Variants in CA6 observed in about 807,000 individuals in gnomAD.
CA6 encodes carbonate dehydratase VI.
Under a neutral mutation model 35.9 loss-of-function variants are expected in CA6, and 28 were observed. The observed-to-expected ratio is 0.78, with a 90% CI of 0.58 to 1.07. The LOEUF (loss-of-function observed/expected upper bound fraction) is 1.07, where lower values mean the gene tolerates loss of function less well. CA6 is among the 50% of genes least tolerant of loss of function. The probability of loss-of-function intolerance (pLI) is 0.00; values close to 1 mark genes in which losing one functional copy is unlikely to be tolerated. For missense variants in CA6, 377 were observed against 382.0 expected (o/e 0.99, Z 0.11); for synonymous variants, 148 against 152.6 (o/e 0.97, Z 0.22).
intron 7 of CA6, among the ~76,000 whole-genome samples, chr1:8,973,910 A>T (rs1444151629): frequency 6.6e-6 from 1 of 151,198 alleles, no homozygotes; most frequent in Admixed American, 6.6e-5. Flanking sequence ...CACTGCAGCC[A>T]TGACCTCCAG....
chr1:8,951,300 G>A, intron 2 of CA6: 1 of 593,438 alleles, frequency 1.7e-6, no homozygotes, highest in Non-Finnish European at 3.0e-6. Context: ...ATGAAGCTCT[G>A]TCTGTAAAAG....
At chr1:8,955,899 CT>C (rs1400111108) in intron 2 of CA6, among the ~76,000 whole-genome samples, 1 of 152,166 alleles carries the variant, frequency 6.6e-6, no homozygotes, top group Non-Finnish European at 1.5e-5. Flanking sequence ...AGAAAATGTT[CT>C]TGTTTACAGC....
intron 7 of CA6, among the ~76,000 whole-genome samples, chr1:8,973,482 A>G (rs1640160571): frequency 6.6e-6 from 1 of 152,206 alleles, no homozygotes; most frequent in Admixed American, 6.5e-5. Flanking sequence ...CGAGGGGGTC[A>G]GATGTTCTAG....
chr1:8,970,078 C>T (rs1223347055), intron 6 of CA6, among the ~76,000 whole-genome samples: 2 of 151,844 alleles, frequency 1.3e-5, no homozygotes, highest in Admixed American at 6.6e-5. Flanking sequence ...TGGGTGGGTG[C>T]CTGTAGTCCC....
In CA6 at chr1:8,958,891, C is replaced by T. The variant is rs1639759933; in HGVS notation, c.409-19C>T. ...ATTTCTATGAACTGCCCTTGACCCA[C>T]TCTACCTTGCTCTTACAGATTCACA... is the stretch of plus-strand genomic sequence containing the variant. On this transcript the variant is annotated intron_variant, in intron 3 of 7. Coordinates refer to ENST00000377443, the MANE Select transcript of CA6 (RefSeq NM_001215.4). 1 of 1,419,302 alleles carries T rather than the reference C, an allele frequency of 7.0e-7. No homozygotes were observed. The highest frequency in any genetic ancestry group is 9.9e-7 in the Non-Finnish European group (1 of 1,006,780). The allele number at this position is 1,419,302 out of a possible 1,614,324, so 87.9% of individuals were successfully genotyped here. A position where few individuals can be genotyped will look rare whatever the true frequency, so the allele number is the denominator to read the frequency against.
intron 7 of CA6, chr1:8,974,217 G>T: frequency 1.7e-6 from 1 of 575,332 alleles, no homozygotes; most frequent in Non-Finnish European, 3.0e-6. Context: ...CTGTATCCCA[G>T]CGGGGTTGAT....
chr1:8,948,926 C>T (rs1167376566), intron 1 of CA6, among the ~76,000 whole-genome samples: 1 of 150,860 alleles, frequency 6.6e-6, no homozygotes, highest in Non-Finnish European at 1.5e-5. Flanking sequence ...GCCAAGATTG[C>T]ACCACTGCAC....
At chr1:8,948,476 G>A (rs1639427823) in intron 1 of CA6, among the ~76,000 whole-genome samples, 1 of 151,792 alleles carries the variant, frequency 6.6e-6, no homozygotes, top group South Asian at 2.1e-4. Context: ...AGGGGCTGGA[G>A]CAAGAAAATA....
At chr1:8,948,969 CAAA>C (rs35309398) in intron 1 of CA6, among the ~76,000 whole-genome samples, 94,049 of 140,970 alleles carry the variant, frequency 0.67, 30,102 homozygotes, top group East Asian at 0.83. Flanking sequence ...GACCCTGTCT[CAAA>C]AAAAAAAAAA....
intron 4 of CA6, among the ~76,000 whole-genome samples, chr1:8,960,345 T>A (rs1409690546): frequency 6.6e-6 from 1 of 151,490 alleles, no homozygotes. Flanking sequence ...CCCAGAGTGA[T>A]TAAGCAGACA....
chr1:8,948,223 C>A (rs1380722292), intron 1 of CA6, among the ~76,000 whole-genome samples: 4 of 152,064 alleles, frequency 2.6e-5, no homozygotes, highest in Admixed American at 2.6e-4. Flanking sequence ...GTGGGATTCT[C>A]CATGTCACAT....
chr1:8,962,048 TG>T (rs1230809447), intron 4 of CA6, among the ~76,000 whole-genome samples: 1 of 152,154 alleles, frequency 6.6e-6, no homozygotes, highest in Non-Finnish European at 1.5e-5. Context: ...GAGACCCACC[TG>T]GCCAACATGG....
intron 7 of CA6, among the ~76,000 whole-genome samples, chr1:8,972,501 C>T (rs1324550404): frequency 6.6e-6 from 1 of 151,988 alleles, no homozygotes; most frequent in African/African-American, 2.4e-5. Context: ...TGAAACCCCG[C>T]CTCTACTAAA....
intron 5 of CA6, among the ~76,000 whole-genome samples, chr1:8,964,742 G>A (rs1225185978): frequency 6.6e-6 from 1 of 152,062 alleles, no homozygotes; most frequent in African/African-American, 2.4e-5. Context: ...ACCCCACCCT[G>A]AGCTGGCCCC....
intron 4 of CA6, among the ~76,000 whole-genome samples, chr1:8,959,982 A>G (rs1470342000): frequency 6.8e-6 from 1 of 147,454 alleles, no homozygotes; most frequent in Non-Finnish European, 1.5e-5. Context: ...CTGTAATCCC[A>G]GCACTTTGGG....
intron 2 of CA6, among the ~76,000 whole-genome samples, chr1:8,951,220 G>GAAAA (rs749605213): frequency 1.6e-5 from 1 of 61,310 alleles, no homozygotes; most frequent in Non-Finnish European, 3.4e-5. Flanking sequence ...CCATCTCAAA[G>GAAAA]AAAAAAAAAA....
At chr1:8,972,623 C>T (rs1640139047) in intron 7 of CA6, among the ~76,000 whole-genome samples, 1 of 152,052 alleles carries the variant, frequency 6.6e-6, no homozygotes, top group African/African-American at 2.4e-5. Flanking sequence ...GCGGAGCTTG[C>T]AGTGAGCCGA....
rs2124175296 is a variant in CA6 at position 8,963,402 on chromosome 1, C to A, written c.571+746C>A. 6.6e-6 allele frequency among the ~76,000 whole-genome samples: 1 copy of A among 152,290 alleles called. No individual in the cohort carries two copies. ...CCATGCAAACACCCTCTAGCCCTCA[C>A]CCCTCCACCCCTCCACAAACTCACC... On this transcript the variant is annotated intron_variant, in intron 5 of 7. Coordinates refer to ENST00000377443, the MANE Select transcript of CA6 (RefSeq NM_001215.4). This position sits in a 1 kb window ranked among gnomAD's most constrained non-coding sequence, Gnocchi z 4.1.
intron 4 of CA6, among the ~76,000 whole-genome samples, chr1:8,960,450 T>C (rs1639809769): frequency 6.7e-6 from 1 of 149,026 alleles, no homozygotes; most frequent in Non-Finnish European, 1.5e-5. Context: ...GGAAACTATG[T>C]TCAAAGAATT....
Sources: gnomAD v4.1 joint callset for allele counts (sites outside exome capture counted in the v4.1 genomes callset) on GRCh38, gnomAD v4.1.1 for gene constraint, Gnocchi (gnomAD v3.1) non-coding constraint, MANE v1.5 for transcripts, NCBI Gene and HGNC (gene_info 2026-07-23, HGNC 2026-07-21) for gene names.